Variants in GRM6 observed in about 807,000 individuals in gnomAD.
GRM6 encodes glutamate metabotropic receptor 6.
In GRM6, 73 loss-of-function variants were observed where a neutral mutation model predicts 78.4. That is an observed-to-expected ratio of 0.93 (90% CI 0.77 to 1.13). GRM6 has a LOEUF of 1.13. Among genes scored for constraint, GRM6 ranks in the 50% most tolerant of loss-of-function variants. GRM6 has a pLI of 0.00. For synonymous variants in GRM6, 580 were observed against 555.0 expected (o/e 1.05, Z -0.63); for missense variants, 1,251 against 1,256.4 (o/e 1.00, Z 0.07).
In GRM6 at chr5:178,991,732, G is replaced by A. The variant is rs751147530; in HGVS notation, c.721+135C>T. ...GAGTCGTCCAAAACAAAGAGGTCCC[G>A]CCCACATGGAGCACCAGCCAGGCAA... On this transcript the variant is annotated intron_variant, in intron 3 of 10. Transcript: ENST00000517717. The surrounding 1 kb of genome is among the most constrained non-coding windows in gnomAD (Gnocchi z 5.0). 8.1e-6 allele frequency: 9 copies of A among 1,109,362 alleles called. No individual in the cohort carries two copies. The highest frequency in any genetic ancestry group is 5.6e-5 in the Admixed American group (3 of 53,728). The allele number at this position is 1,109,362 out of a possible 1,614,324, so 68.7% of individuals were successfully genotyped here. A position where few individuals can be genotyped will look rare whatever the true frequency, so the allele number is the denominator to read the frequency against.
rs755296288 is a variant in GRM6, at chr5:178,989,041, G to A, written c.1248C>T (p.His416=). The A allele has an allele frequency of 1.7e-5, 28 of 1,613,898 alleles. No homozygotes were observed. Among genetic ancestry groups the A allele is most frequent in the Middle Eastern group, 1.6e-4 (1 of 6,082 alleles). ...CAGGGCAGAGCGCCTGGTGCATGCT[G>A]TGGAGGGCGTGGGCAATGGCGTACA... is the stretch of plus-strand genomic sequence containing the variant. ...DAVYAIAHAL[H]SMHQALCPGH... is the part of the protein sequence containing the mutation. The change falls in exon 7 of 11, where the codon CAC becomes CAT. Residue 416 remains histidine, a synonymous_variant. Coordinates refer to ENST00000517717, the MANE Select transcript of GRM6 (RefSeq NM_000843.4).
At chr5:178,984,017 C>T (rs947737522) in intron 9 of GRM6, among the ~76,000 whole-genome samples, 2 of 152,220 alleles carry the variant, frequency 1.3e-5, no homozygotes, top group African/African-American at 2.4e-5. Flanking sequence ...GGATGCTTTG[C>T]AGTCATCTGC....
Position 178,992,090 on chromosome 5 carries a change from G to C in GRM6, c.505-7C>G. The C allele has an allele frequency of 6.2e-7, 1 of 1,605,928 alleles. No individual in the cohort carries two copies. The highest frequency in any genetic ancestry group is 8.5e-7 in the Non-Finnish European group (1 of 1,173,110). On this transcript the variant is annotated splice_region_variant and splice_polypyrimidine_tract_variant and intron_variant, in intron 2 of 10. Coordinates refer to ENST00000517717, the MANE Select transcript of GRM6 (RefSeq NM_000843.4). This position sits in a 1 kb window ranked among gnomAD's most constrained non-coding sequence, Gnocchi z 4.9. Reference sequence around the variant, plus strand: ...CATAGCTGATCTGGGGTATCTGTGGGGCAGGAAGGACAGCTGGGCTGTGGA... The same window carrying C: ...CATAGCTGATCTGGGGTATCTGTGGCGCAGGAAGGACAGCTGGGCTGTGGA...
Position 178,986,998 on chromosome 5 carries a change from C to G in GRM6, c.1355-15G>C. ...TCCTGCGCTGCCTGGAGAGAGAGTC[C>G]GTCATCCTCGGTGGTCCTCCAGCCC... On this transcript the variant is annotated splice_polypyrimidine_tract_variant and intron_variant, in intron 7 of 10. Coordinates refer to ENST00000517717, the MANE Select transcript of GRM6 (RefSeq NM_000843.4). The G allele has an allele frequency of 6.2e-7, 1 of 1,611,594 alleles. No individual in the cohort carries two copies. Among genetic ancestry groups the G allele is most frequent in the Non-Finnish European group, 8.5e-7 (1 of 1,179,012 alleles).
intron 1 of GRM6, 29 bp from the exon 2 acceptor site, chr5:178,994,989 C>A: frequency 9.0e-7 from 1 of 1,115,198 alleles, no homozygotes; most frequent in Non-Finnish European, 1.1e-6. Flanking sequence ...GCGGGGAGCG[C>A]TCTGAGGGCG....
chr5:178,978,687 A>C lies in GRM6; in HGVS notation c.*2970T>G, dbSNP rs1356339650. 6.6e-6 allele frequency: 1 copy of C among 152,236 alleles called. No individual in the cohort carries two copies. The highest frequency in any genetic ancestry group is 2.4e-5 in the African/African-American group (1 of 41,458). 9.4% of individuals were successfully genotyped at this position (152,236 alleles called of 1,614,324 possible). On this transcript the variant is annotated 3_prime_UTR_variant, in exon 11 of 11. Transcript: ENST00000517717. ...TTGTGTAAACATGGAATAAGCCTCC[A>C]ACCCAGAACTCCATTTTCACTGGAA...
intron 9 of GRM6, among the ~76,000 whole-genome samples, chr5:178,985,467 GC>G (rs1760495046): frequency 1.3e-5 from 2 of 151,674 alleles, no homozygotes; most frequent in Admixed American, 6.6e-5. Flanking sequence ...ACTTTGGGAG[GC>G]CGAGGTGGGC....
Position 178,991,804 on chromosome 5 carries a change from C to G in GRM6, c.721+63G>C, listed in dbSNP as rs765791611. 1 of 1,421,988 alleles carries G rather than the reference C, an allele frequency of 7.0e-7. No individual in the cohort carries two copies. The highest frequency in any genetic ancestry group is 1.4e-5 in the African/African-American group (1 of 70,658). 88.1% of individuals were successfully genotyped at this position (1,421,988 alleles called of 1,614,324 possible). ...GGCCCCCCATCTTTCTGCTTCTGCC[C>G]CAACTGAGGGCCCCGGGCCCACACT... is the stretch of plus-strand genomic sequence containing the variant. On this transcript the variant is annotated intron_variant, in intron 3 of 10. Coordinates refer to ENST00000517717, the MANE Select transcript of GRM6 (RefSeq NM_000843.4). The surrounding 1 kb of genome is among the most constrained non-coding windows in gnomAD (Gnocchi z 5.0).
Position 178,987,504 on chromosome 5 carries a change from G to A in GRM6, c.1355-521C>T, listed in dbSNP as rs1362716796. 8.8e-6 allele frequency: 4 copies of A among 453,696 alleles called. No individual in the cohort carries two copies. The East Asian group carries it at 2.8e-4, about 32-fold the overall frequency. The allele number at this position is 453,696 out of a possible 1,614,324, so 28.1% of individuals were successfully genotyped here. A position where few individuals can be genotyped will look rare whatever the true frequency, so the allele number is the denominator to read the frequency against. On this transcript the variant is annotated intron_variant, in intron 7 of 10. Transcript: ENST00000517717. ...CAAAAGGAAGGCAGTTCTGACCCAT[G>A]CTATAAAATGGATGGACCTGGAGGA...
At chr5:178,990,416 C>T (rs1561719830) in intron 5 of GRM6, among the ~76,000 whole-genome samples, 176 bp downstream of exon 5, 1 of 152,262 alleles carries the variant, frequency 6.6e-6, no homozygotes. Flanking sequence ...GCACGCCATC[C>T]CAGTCAAGCG....
intron 10 of GRM6, among the ~76,000 whole-genome samples, chr5:178,982,467 A>G (rs1760412787): frequency 1.3e-5 from 2 of 150,936 alleles, no homozygotes; most frequent in South Asian, 2.1e-4. Context: ...AGTCCCAGCT[A>G]CGGGGGAGGC....
In GRM6 at chr5:178,983,235, C is replaced by G. The variant is rs1581891760; in HGVS notation, c.2125-14G>C. On this transcript the variant is annotated splice_polypyrimidine_tract_variant and intron_variant, in intron 9 of 10. Coordinates refer to ENST00000517717, the MANE Select transcript of GRM6 (RefSeq NM_000843.4). ...CATCCCCACCACCTGCAGGAGCCAACACTGCATCAGACACAGCACTTTCCA... is the reference window on the plus strand; with the variant it reads ...CATCCCCACCACCTGCAGGAGCCAAGACTGCATCAGACACAGCACTTTCCA... 1 of 1,605,506 alleles carries G rather than the reference C, an allele frequency of 6.2e-7. No individual in the cohort carries two copies. Among genetic ancestry groups the G allele is most frequent in the East Asian group, 2.2e-5 (1 of 44,798 alleles).
chr5:178,989,541 C>T, intron 5 of GRM6, 136 bp from the exon 6 acceptor site: 1 of 1,109,738 alleles, frequency 9.0e-7, no homozygotes, highest in Non-Finnish European at 1.4e-6. Flanking sequence ...CTAGGCATGG[C>T]CAGGTGAGCT....
chr5:178,984,006 G>A lies in GRM6; in HGVS notation c.2125-785C>T, dbSNP rs79491709. On this transcript the variant is annotated intron_variant, in intron 9 of 10. Coordinates refer to ENST00000517717, the MANE Select transcript of GRM6 (RefSeq NM_000843.4). ...GCAGGGCCATGTGATCCTGCTGGAAGGGATGCTTTGCAGTCATCTGCCCAC... is the reference window on the plus strand; with the variant it reads ...GCAGGGCCATGTGATCCTGCTGGAAAGGATGCTTTGCAGTCATCTGCCCAC... Among the ~76,000 whole-genome samples the A allele has an allele frequency of 0.01, 1,545 of 152,336 alleles. 77 individuals are homozygous for A. The East Asian group carries it at 0.15, about 14-fold the overall frequency.
intron 7 of GRM6, among the ~76,000 whole-genome samples, chr5:178,987,661 G>A (rs976222086): frequency 6.6e-6 from 1 of 152,186 alleles, no homozygotes; most frequent in Non-Finnish European, 1.5e-5. Context: ...GCGGGAGGAG[G>A]GGATGGGGAA....
chr5:178,992,378 C>G lies in GRM6; in HGVS notation c.505-295G>C, dbSNP rs910607443. 1 of 474,420 alleles carries G rather than the reference C, an allele frequency of 2.1e-6. No homozygotes were observed. Among genetic ancestry groups the G allele is most frequent in the Non-Finnish European group, 3.9e-6 (1 of 258,664 alleles). 29.4% of individuals were successfully genotyped at this position (474,420 alleles called of 1,614,324 possible). On this transcript the variant is annotated intron_variant, in intron 2 of 10. Transcript: ENST00000517717. The surrounding 1 kb of genome is among the most constrained non-coding windows in gnomAD (Gnocchi z 4.9). Reference sequence around the variant, plus strand: ...GGACCGCCACATATACTGGTACAAGCTGTGTCCTGAACAAGGACCCCCAGC... The same window carrying G: ...GGACCGCCACATATACTGGTACAAGGTGTGTCCTGAACAAGGACCCCCAGC...
At position 178,992,157 on chromosome 5, in the gene GRM6, A is replaced by G. The variant is rs377063957; in HGVS notation, c.505-74T>C. On this transcript the variant is annotated intron_variant, in intron 2 of 10. Transcript: ENST00000517717. This position sits in a 1 kb window ranked among gnomAD's most constrained non-coding sequence, Gnocchi z 4.9. Reference sequence around the variant, plus strand: ...AAGAGAGGGAGGGTAAGGGGGGCCCAGGACACGGACGGGGCACAGAAGGTG... The same window carrying G: ...AAGAGAGGGAGGGTAAGGGGGGCCCGGGACACGGACGGGGCACAGAAGGTG... 1.6e-5 allele frequency: 16 copies of G among 998,190 alleles called. No homozygotes were observed. Among genetic ancestry groups the G allele is most frequent in the African/African-American group, 1.3e-4 (8 of 63,256 alleles). 61.8% of individuals were successfully genotyped at this position (998,190 alleles called of 1,614,324 possible). A position where few individuals can be genotyped will look rare whatever the true frequency, so the allele number is the denominator to read the frequency against.
chr5:178,985,986 T>C, intron 9 of GRM6, 144 bp downstream of exon 9: 2 of 730,332 alleles, frequency 2.7e-6, no homozygotes, highest in Non-Finnish European at 4.5e-6. Context: ...GGTCTCGAAC[T>C]CCTGGACTCA....
At position 178,988,202 on chromosome 5, in the gene GRM6, T is replaced by A. The variant is rs1254007567; in HGVS notation, c.1354+733A>T. Among the ~76,000 whole-genome samples, 1 of 152,074 alleles carries A rather than the reference T, an allele frequency of 6.6e-6. No individual in the cohort carries two copies. Among genetic ancestry groups the A allele is most frequent in the Non-Finnish European group, 1.5e-5 (1 of 68,020 alleles). The stretch of plus-strand genomic sequence containing the variant: ...GGATGAGTTCAGACACGGAGAGAGG[T>A]CTGAGTGACAGTATGAAATTGGAAT... On this transcript the variant is annotated intron_variant, in intron 7 of 10. Transcript: ENST00000517717. This position sits in a 1 kb window ranked among gnomAD's most constrained non-coding sequence, Gnocchi z 6.0.
Sources: allele counts gnomAD v4.1 joint callset (sites outside exome capture counted in the v4.1 genomes callset), GRCh38; gene constraint gnomAD v4.1.1; non-coding constraint Gnocchi (gnomAD v3.1); transcripts MANE v1.5; gene names NCBI Gene and HGNC (gene_info 2026-07-23, HGNC 2026-07-21).